Variants in RAD51 observed in about 807,000 individuals in gnomAD.
RAD51 encodes the protein DNA repair protein RAD51 homolog 1.
In RAD51, 14 loss-of-function variants were observed where a neutral mutation model predicts 41.5. That is an observed-to-expected ratio of 0.34 (90% CI 0.22 to 0.53). The LOEUF is 0.53. Ranked by LOEUF, RAD51 falls within the 20% of genes least tolerant of loss-of-function variation. RAD51 has a pLI of 0.95. For missense variants in RAD51, 234 were observed against 422.0 expected, an observed-to-expected ratio of 0.55 and a Z score of 3.90; for synonymous variants, 136 against 148.6, an observed-to-expected ratio of 0.92 and a Z score of 0.62.
At chr15:40,712,764 A>G (rs1895767505) in intron 5 of RAD51, among the ~76,000 whole-genome samples, 1 of 152,166 alleles carries the variant, frequency 6.6e-6, no homozygotes, top group African/African-American at 2.4e-5. Context: ...TTACTGTTGG[A>G]GATCAAAACA....
In RAD51 at chr15:40,728,755, C is replaced by T; in HGVS notation, c.575C>T (p.Ala192Val). ...GSDVLDNVAY[A>V]RAFNTDHQTQ... ...GATGTCCTGGATAATGTAGCATATG[C>T]TCGAGCGTTCAACACAGACCACCAG... is the stretch of plus-strand genomic sequence containing the variant. The change falls in exon 7 of 10, where the codon GCT becomes GTT. Residue 192 changes from alanine (A) to valine (V), a missense_variant. Transcript: ENST00000267868. The T allele has an allele frequency of 6.2e-7, 1 of 1,614,100 alleles. No individual in the cohort carries two copies. The highest frequency in any genetic ancestry group is 2.2e-5 in the East Asian group (1 of 44,878).
chr15:40,730,472 C>A (rs2141884920), intron 9 of RAD51, among the ~76,000 whole-genome samples: 1 of 151,130 alleles, frequency 6.6e-6, no homozygotes, highest in East Asian at 2.0e-4. Flanking sequence ...CATCACTGCA[C>A]TCCAGCCTGG....
At chr15:40,723,222 G>A (rs2141866834) in intron 6 of RAD51, among the ~76,000 whole-genome samples, 1 of 152,270 alleles carries the variant, frequency 6.6e-6, no homozygotes, top group South Asian at 2.1e-4. Context: ...AGGATGTAGA[G>A]AAACTGGAAC....
chr15:40,702,884 C>T (rs1171619870), intron 3 of RAD51, among the ~76,000 whole-genome samples: 1 of 151,274 alleles, frequency 6.6e-6, no homozygotes, highest in Non-Finnish European at 1.5e-5. Flanking sequence ...AGTGCAGTGG[C>T]ATGATCAAAG....
intron 2 of RAD51, 90 bp from the exon 3 acceptor site, chr15:40,700,974 G>A (rs2141818846): frequency 1.6e-6 from 2 of 1,218,464 alleles, no homozygotes; most frequent in South Asian, 2.5e-5. Flanking sequence ...AAGTCTTCAA[G>A]CACCTCTGTG....
intron 3 of RAD51, among the ~76,000 whole-genome samples, chr15:40,704,072 A>G (rs747005170): frequency 3.3e-5 from 5 of 150,004 alleles, no homozygotes; most frequent in Non-Finnish European, 7.4e-5. Context: ...CCTGCTATTT[A>G]TTTTATTTTA....
chr15:40,714,809 T>G (rs1895905171), intron 5 of RAD51, among the ~76,000 whole-genome samples: 1 of 152,192 alleles, frequency 6.6e-6, no homozygotes, highest in African/African-American at 2.4e-5. Flanking sequence ...AATAGAAAAG[T>G]CATAAAGTTG....
At chr15:40,731,028 G>A (rs370236294) in intron 9 of RAD51, 27 bp from the exon 10 acceptor site, 1 of 1,613,770 alleles carries the variant, frequency 6.2e-7, no homozygotes, top group Non-Finnish European at 8.5e-7. Flanking sequence ...TAATAAATTG[G>A]TGCTTTGGTC....
At chr15:40,695,811 A>G (rs1894587729) in intron 1 of RAD51, 1 of 152,240 alleles carries the variant, frequency 6.6e-6, no homozygotes, top group African/African-American at 2.4e-5. Context: ...CAGTGTTTTC[A>G]TCATCTAATG....
At chr15:40,700,964 A>C in intron 2 of RAD51, 100 bp from the exon 3 acceptor site, 1 of 1,385,492 alleles carries the variant, frequency 7.2e-7, no homozygotes, top group Non-Finnish European at 1.0e-6. Flanking sequence ...GTTGTATTAC[A>C]AGTCTTCAAG....
chr15:40,723,437 G>A (rs1434439961), intron 6 of RAD51, among the ~76,000 whole-genome samples: 1 of 152,080 alleles, frequency 6.6e-6, no homozygotes, highest in East Asian at 1.9e-4. Context: ...TTCATCAGCT[G>A]GTAAATGAAT....
intron 3 of RAD51, among the ~76,000 whole-genome samples, 175 bp downstream of exon 3, chr15:40,701,376 CTTT>C (rs57054958): frequency 1.1e-4 from 12 of 109,956 alleles, no homozygotes; most frequent in Non-Finnish European, 1.5e-4. Context: ...TTTTTTCTTT[CTTT>C]TTTTTTTTTT....
chr15:40,724,889 A>AT (rs34086110), intron 6 of RAD51, among the ~76,000 whole-genome samples: 2,047 of 55,450 alleles, frequency 0.037, 288 homozygotes, highest in African/African-American at 0.13. Context: ...ATTTTTTTTA[A>AT]TTTTTTTTTT....
chr15:40,709,855 G>A (rs538841168), intron 5 of RAD51, among the ~76,000 whole-genome samples: 1 of 152,186 alleles, frequency 6.6e-6, no homozygotes, highest in Non-Finnish European at 1.5e-5. Flanking sequence ...ACAGCTGACT[G>A]ACTTCACTTT....
chr15:40,706,330 G>C, intron 4 of RAD51, 36 bp downstream of exon 4: 1 of 1,479,368 alleles, frequency 6.8e-7, no homozygotes, highest in African/African-American at 1.4e-5. Flanking sequence ...GTGAACTCTA[G>C]TTAGGAAAGC....
Position 40,719,202 on chromosome 15 carries a change from C to T in RAD51, c.530+303C>T, listed in dbSNP as rs550082414. Among the ~76,000 whole-genome samples the T allele has an allele frequency of 5.3e-5, 8 of 151,910 alleles. 1 individual carries two copies. In the South Asian group the frequency reaches 1.5e-3, roughly 28 times the overall value. On this transcript the variant is annotated intron_variant, in intron 6 of 9. Coordinates refer to ENST00000267868, the MANE Select transcript of RAD51 (RefSeq NM_002875.5). ...CCTTCCTAGTAGCTGGGATTACAGGCGCACACCACCACACCCAGCTAATTT... is the reference window on the plus strand; with the variant it reads ...CCTTCCTAGTAGCTGGGATTACAGGTGCACACCACCACACCCAGCTAATTT...
At chr15:40,708,960 T>C in intron 4 of RAD51, 65 bp from the exon 5 acceptor site, 1 of 1,364,110 alleles carries the variant, frequency 7.3e-7, no homozygotes, top group South Asian at 1.2e-5. Context: ...TCCAAGAACA[T>C]TTCTATGACT....
At chr15:40,705,547 A>AT (rs1895276192) in intron 3 of RAD51, among the ~76,000 whole-genome samples, 1 of 152,162 alleles carries the variant, frequency 6.6e-6, no homozygotes, top group African/African-American at 2.4e-5. Context: ...CTGTATTGTC[A>AT]TTTTTGTCAT....
At chr15:40,706,407 T>C in intron 4 of RAD51, 113 bp downstream of exon 4, 1 of 947,078 alleles carries the variant, frequency 1.1e-6, no homozygotes, top group Non-Finnish European at 1.7e-6. Context: ...GATAAAGAGA[T>C]AGAGGAAGGC....
Sources: gnomAD v4.1 joint callset for allele counts (sites outside exome capture counted in the v4.1 genomes callset) on GRCh38, gnomAD v4.1.1 for gene constraint, MANE v1.5 for transcripts, NCBI Gene and HGNC (gene_info 2026-07-23, HGNC 2026-07-21) for gene names.